Variants in MCPH1 observed in about 807,000 individuals in gnomAD.
The protein encoded by MCPH1 is microcephalin 1, also known as microcephalin.
A neutral mutation model predicts 84.5 loss-of-function variants in MCPH1; 104 were observed. The observed-to-expected ratio is 1.23, with a 90% CI of 1.05 to 1.45. The LOEUF (loss-of-function observed/expected upper bound fraction) is 1.45. Ranked by LOEUF, MCPH1 falls within the 40% of genes most tolerant of loss-of-function variation. The pLI, the probability that MCPH1 is intolerant of heterozygous loss-of-function variation, is 0.00. For synonymous variants in MCPH1, 514 were observed against 366.8 expected (o/e 1.40, Z -4.58); for missense variants, 1,498 against 1,005.7 (o/e 1.49, Z -6.62).
chr8:6,463,935 C>G (rs1271818910), intron 9 of MCPH1, among the ~76,000 whole-genome samples: 1 of 152,188 alleles, frequency 6.6e-6, no homozygotes, highest in Non-Finnish European at 1.5e-5. Flanking sequence ...TTAAATTTAA[C>G]TTTCAAGTTG....
At chr8:6,437,472 G>T (rs1018648307) in intron 5 of MCPH1, among the ~76,000 whole-genome samples, 3 of 152,078 alleles carry the variant, frequency 2.0e-5, no homozygotes, top group African/African-American at 7.2e-5. Flanking sequence ...CTCGTGATCT[G>T]CCCGCTTCAG....
intron 12 of MCPH1, among the ~76,000 whole-genome samples, chr8:6,549,543 T>C (rs1394055838): frequency 2.0e-5 from 3 of 151,872 alleles, no homozygotes; most frequent in Non-Finnish European, 4.4e-5. Context: ...TGCGCACATA[T>C]ATGGATGAGG....
intron 12 of MCPH1, among the ~76,000 whole-genome samples, chr8:6,585,218 G>A (rs1827872347): frequency 6.6e-6 from 1 of 152,238 alleles, no homozygotes; most frequent in African/African-American, 2.4e-5. Flanking sequence ...GTACTCCACG[G>A]GGAGAGGAGC....
At chr8:6,480,955 C>A in intron 11 of MCPH1, 79 bp downstream of exon 11, 1 of 1,516,606 alleles carries the variant, frequency 6.6e-7, no homozygotes, top group Non-Finnish European at 9.1e-7. Flanking sequence ...CCGACATCAG[C>A]ACTCAGGCCG....
intron 12 of MCPH1, among the ~76,000 whole-genome samples, chr8:6,576,110 T>G (rs1827069037): frequency 6.7e-6 from 1 of 149,310 alleles, no homozygotes; most frequent in East Asian, 2.0e-4. Flanking sequence ...CCTTGCAGCC[T>G]CCACCAAACA....
At chr8:6,422,398 G>C (rs1800341962) in intron 3 of MCPH1, among the ~76,000 whole-genome samples, 1 of 152,186 alleles carries the variant, frequency 6.6e-6, no homozygotes, top group Non-Finnish European at 1.5e-5. Flanking sequence ...TGCAGAAACA[G>C]AGACCTTTAC....
rs1305966078 is a variant in MCPH1 at position 6,643,005 on chromosome 8, C to T, written c.2464C>T (p.Gln822Ter). 1.2e-6 allele frequency: 2 copies of T among 1,613,946 alleles called. No individual in the cohort carries two copies. The highest frequency in any genetic ancestry group is 1.7e-5 in the Admixed American group (1 of 59,990). The change falls in exon 14 of 14, where the codon CAG (glutamine) becomes TAG (stop). Residue 822 changes from glutamine to a stop codon, truncating the protein, a stop_gained. Coordinates refer to ENST00000344683, the MANE Select transcript of MCPH1 (RefSeq NM_024596.5). LOFTEE classifies it high-confidence loss of function. The part of the protein sequence containing the change: ...SEKWVLDSIT[Q>*]HKVCAPENYL... The stretch of plus-strand genomic sequence containing the variant: ...CGCTCTCTCTCTAGATTCCATCACC[C>T]AGCACAAGGTCTGTGCCCCTGAAAA...
At chr8:6,414,719 T>C (rs1387928312) in intron 2 of MCPH1, 46 bp from the exon 3 acceptor site, 1 of 1,603,442 alleles carries the variant, frequency 6.2e-7, no homozygotes, top group Admixed American at 1.7e-5. Context: ...AGTTAAGTTG[T>C]GAATGAACAG....
intron 13 of MCPH1, among the ~76,000 whole-genome samples, chr8:6,635,806 G>A (rs191143442): frequency 2.1e-3 from 313 of 152,238 alleles, no homozygotes; most frequent in Admixed American, 4.4e-3. Flanking sequence ...AATGTAAAAT[G>A]CCGTGTCCCG....
At chr8:6,615,804 A>G (rs1328301769) in intron 12 of MCPH1, 1 of 152,190 alleles carries the variant, frequency 6.6e-6, no homozygotes, top group Non-Finnish European at 1.5e-5. Flanking sequence ...CTTGATGAGG[A>G]CAGAGTCTAT....
chr8:6,577,574 C>G (rs1827220760), intron 12 of MCPH1, among the ~76,000 whole-genome samples: 1 of 152,234 alleles, frequency 6.6e-6, no homozygotes, highest in Admixed American at 6.5e-5. Flanking sequence ...CTTTGGACAG[C>G]TACTGTAAGC....
At chr8:6,465,450 T>C (rs1170566839) in intron 9 of MCPH1, among the ~76,000 whole-genome samples, 1 of 152,170 alleles carries the variant, frequency 6.6e-6, no homozygotes, top group Non-Finnish European at 1.5e-5. Context: ...ACCGGTATTC[T>C]CTTCCTCTTA....
At chr8:6,534,364 C>T (rs1436318032) in intron 12 of MCPH1, among the ~76,000 whole-genome samples, 1 of 152,138 alleles carries the variant, frequency 6.6e-6, no homozygotes, top group African/African-American at 2.4e-5. Context: ...TGCAGATCTA[C>T]CCTGTTTTAC....
At chr8:6,621,096 T>G (rs1415710604) in intron 12 of MCPH1, 1 of 354,924 alleles carries the variant, frequency 2.8e-6, no homozygotes, top group Non-Finnish European at 5.4e-6. Context: ...TTGCCGTCAC[T>G]TGCACACGTC....
chr8:6,508,726 G>A, intron 12 of MCPH1: 2 of 693,658 alleles, frequency 2.9e-6, no homozygotes, highest in South Asian at 3.8e-5. Flanking sequence ...TTGGCTTGCT[G>A]ACAAGTCTAG....
chr8:6,590,046 CTT>C (rs1366833985), intron 12 of MCPH1, among the ~76,000 whole-genome samples: 6 of 152,128 alleles, frequency 3.9e-5, no homozygotes, highest in Non-Finnish European at 8.8e-5. Context: ...CATTTTGAAA[CTT>C]TGCACATTAG....
intron 12 of MCPH1, among the ~76,000 whole-genome samples, chr8:6,525,446 T>A (rs1453407997): frequency 1.3e-5 from 2 of 152,230 alleles, no homozygotes; most frequent in African/African-American, 4.8e-5. Context: ...CCCTGGCTAG[T>A]CTCAAACTCC....
intron 3 of MCPH1, among the ~76,000 whole-genome samples, chr8:6,427,193 G>T (rs1417401672): frequency 6.6e-6 from 1 of 152,142 alleles, no homozygotes; most frequent in Non-Finnish European, 1.5e-5. Context: ...ACCTACATAG[G>T]GCGTTTACTA....
At chr8:6,497,744 T>G (rs192305315) in intron 11 of MCPH1, among the ~76,000 whole-genome samples, 16 of 152,330 alleles carry the variant, frequency 1.1e-4, no homozygotes, top group Admixed American at 5.2e-4. Flanking sequence ...TACCTTCCTC[T>G]TAATTTTGCT....
Sources: gnomAD v4.1 joint callset for allele counts (sites outside exome capture counted in the v4.1 genomes callset) on GRCh38, gnomAD v4.1.1 for gene constraint, MANE v1.5 for transcripts, NCBI Gene and HGNC (gene_info 2026-07-23, HGNC 2026-07-21) for gene names.